Variants in DLG2 observed in about 807,000 individuals in gnomAD.
The protein encoded by DLG2 is discs large MAGUK scaffold protein 2.
In DLG2, 45 loss-of-function variants were observed where a neutral mutation model predicts 132.5. The ratio of observed to expected loss-of-function variants is 0.34; its 90% CI spans 0.27 to 0.44. The LOEUF is 0.44. DLG2 is among the 20% of genes least tolerant of loss of function. DLG2 has a pLI of 1.00. For missense variants in DLG2, 1,045 were observed against 1,196.9 expected (o/e 0.87, Z 1.87); for synonymous variants, 424 against 419.6 (o/e 1.01, Z -0.13).
intron 19 of DLG2, among the ~76,000 whole-genome samples, chr11:83,550,484 A>G (rs186129152): frequency 5.3e-4 from 80 of 152,240 alleles, no homozygotes; most frequent in African/African-American, 1.8e-3. Context: ...AGTCTGTCAG[A>G]TTGGCTGAGC....
At chr11:84,068,799 T>A (rs1174543695) in intron 10 of DLG2, among the ~76,000 whole-genome samples, 3 of 152,196 alleles carry the variant, frequency 2.0e-5, no homozygotes, top group Admixed American at 6.5e-5. Flanking sequence ...TTATATAGTC[T>A]TTAATGTAAA....
chr11:85,051,470 G>A (rs192665461), intron 6 of DLG2, among the ~76,000 whole-genome samples: 4 of 152,192 alleles, frequency 2.6e-5, no homozygotes, highest in Admixed American at 2.6e-4. Context: ...TCTACAAGTT[G>A]TATTCAGGTT....
At chr11:84,139,269 A>T (rs1376003845) in intron 9 of DLG2, among the ~76,000 whole-genome samples, 1 of 152,144 alleles carries the variant, frequency 6.6e-6, no homozygotes, top group Non-Finnish European at 1.5e-5. Context: ...TTGAATAAAC[A>T]ACCCATGAAT....
chr11:84,983,878 G>A (rs1368638470), intron 6 of DLG2, among the ~76,000 whole-genome samples: 6 of 151,906 alleles, frequency 3.9e-5, no homozygotes, highest in Non-Finnish European at 8.8e-5. Flanking sequence ...CAACAGAATC[G>A]AAGAAGCAGA....
intron 6 of DLG2, among the ~76,000 whole-genome samples, chr11:85,055,135 T>A (rs10898349): frequency 0.19 from 29,389 of 152,066 alleles, 3,407 homozygotes; most frequent in Middle Eastern, 0.28. Flanking sequence ...TCAGACAAAT[T>A]TGTCAAATAA....
intron 7 of DLG2, among the ~76,000 whole-genome samples, chr11:84,310,861 A>G (rs183177121): frequency 6.6e-6 from 1 of 152,292 alleles, no homozygotes; most frequent in Non-Finnish European, 1.5e-5. Flanking sequence ...CTCCGCACTC[A>G]AGTTGCTGCA....
intron 22 of DLG2, among the ~76,000 whole-genome samples, chr11:83,475,079 C>T (rs957741770): frequency 3.3e-5 from 5 of 152,140 alleles, no homozygotes; most frequent in South Asian, 2.1e-4. Flanking sequence ...ATGGCAGCAT[C>T]CCTTATGTCC....
chr11:84,295,768 T>A lies in DLG2; in HGVS notation c.520-44477A>T, dbSNP rs577351453. Among the ~76,000 whole-genome samples, 21 of 152,232 alleles carry A rather than the reference T, an allele frequency of 1.4e-4. No individual in the cohort carries two copies. In the East Asian group the frequency reaches 3.9e-3, roughly 28 times the overall value. On this transcript the variant is annotated intron_variant, in intron 7 of 27. Coordinates refer to ENST00000376104, the MANE Select transcript of DLG2 (RefSeq NM_001142699.3). ...TGTGAAATTCAAACATGAATTCACA[T>A]TGGGGGGGTCAGATCACTTGATATA...
intron 17 of DLG2, among the ~76,000 whole-genome samples, chr11:83,823,470 A>G (rs1484372039): frequency 2.0e-5 from 3 of 152,198 alleles, no homozygotes; most frequent in Non-Finnish European, 4.4e-5. Context: ...CCTCTTAGTC[A>G]ATTAGGAAAT....
At position 85,007,582 on chromosome 11, in the gene DLG2, C is replaced by T. The variant is rs1211887962; in HGVS notation, c.357+104079G>A. On this transcript the variant is annotated intron_variant, in intron 6 of 27. Coordinates refer to ENST00000376104, the MANE Select transcript of DLG2 (RefSeq NM_001142699.3). ...TCGGGAAGCTGAGGCAGGAGAATGG[C>T]GTGAATCTGGGAGGCAGAGATTGCA... Among the ~76,000 whole-genome samples, 8 of 139,268 alleles carry T rather than the reference C, an allele frequency of 5.7e-5. No homozygotes were observed. The South Asian group carries it at 1.9e-3, about 33-fold the overall frequency. 91.4% of individuals were successfully genotyped at this position (139,268 alleles called of 152,430 possible).
chr11:85,154,518 T>C (rs1409540193), intron 5 of DLG2, 38 bp downstream of exon 5: 5 of 1,000,622 alleles, frequency 5.0e-6, no homozygotes, highest in Non-Finnish European at 7.6e-6. Flanking sequence ...GTCTTACCCA[T>C]GAAGCCTAGT....
intron 18 of DLG2, among the ~76,000 whole-genome samples, chr11:83,641,495 T>C (rs1481254786): frequency 1.3e-5 from 2 of 152,210 alleles, no homozygotes; most frequent in African/African-American, 2.4e-5. Context: ...GAGCCAGATA[T>C]GCACAGAAGG....
At chr11:84,755,493 G>A (rs1318670187) in intron 6 of DLG2, among the ~76,000 whole-genome samples, 3 of 152,150 alleles carry the variant, frequency 2.0e-5, no homozygotes, top group Non-Finnish European at 4.4e-5. Context: ...GCACAACCTC[G>A]GCTCACTGCA....
In DLG2 at chr11:84,060,822, C is replaced by CA. The variant is rs1386272294; in HGVS notation, c.750-1339dup. On this transcript the variant is annotated intron_variant, in intron 10 of 27. Transcript: ENST00000376104. ...TTGCTTGATGCTTCTTTTCCCCCACCACCACGCAGTCAGTTCTACCTGCAA... is the reference window on the plus strand; with the variant it reads ...TTGCTTGATGCTTCTTTTCCCCCACCAACCACGCAGTCAGTTCTACCTGCAA... 5.3e-5 allele frequency among the ~76,000 whole-genome samples: 8 copies of CA among 152,184 alleles called. No individual in the cohort carries two copies. In the South Asian group the frequency reaches 1.2e-3, roughly 24 times the overall value.
chr11:84,146,049 C>G (rs73515776), intron 9 of DLG2, among the ~76,000 whole-genome samples: 363 of 152,292 alleles, frequency 2.4e-3, no homozygotes, highest in African/African-American at 8.2e-3. Flanking sequence ...GTTTCCAAAT[C>G]AGAAAGGTTT....
chr11:83,735,622 T>A lies in DLG2; in HGVS notation c.1825+51068A>T, dbSNP rs117513107. Among the ~76,000 whole-genome samples, 84 of 152,350 alleles carry A rather than the reference T, an allele frequency of 5.5e-4. No individual in the cohort carries two copies. In the East Asian group the frequency reaches 0.014, roughly 25 times the overall value. On this transcript the variant is annotated intron_variant, in intron 18 of 27. Transcript: ENST00000376104. ...TGTAATAATTAGGCTTTAAGACATA[T>A]GGACACTTAAATCATCTGTATTCCT...
chr11:83,951,314 A>G (rs1425202831), intron 14 of DLG2, among the ~76,000 whole-genome samples: 1 of 152,140 alleles, frequency 6.6e-6, no homozygotes, highest in Non-Finnish European at 1.5e-5. Context: ...GCTGGGACTA[A>G]TCAATATACA....
chr11:83,823,862 GCT>G (rs1242921735), intron 17 of DLG2, among the ~76,000 whole-genome samples: 2 of 152,058 alleles, frequency 1.3e-5, no homozygotes, highest in African/African-American at 2.4e-5. Context: ...CCTTTTAAAT[GCT>G]CTTTTTTTAG....
chr11:85,075,167 C>T (rs1823777), intron 6 of DLG2, among the ~76,000 whole-genome samples: 1 of 151,784 alleles, frequency 6.6e-6, no homozygotes, highest in Admixed American at 6.6e-5. Flanking sequence ...AGCATAAAAT[C>T]GTGGTGCATA....
Sources: gnomAD v4.1 joint callset for allele counts (sites outside exome capture counted in the v4.1 genomes callset) on GRCh38, gnomAD v4.1.1 for gene constraint, MANE v1.5 for transcripts, NCBI Gene and HGNC (gene_info 2026-07-23, HGNC 2026-07-21) for gene names.